FOXP2: variants seen among roughly 807,000 people sequenced by gnomAD.
FOXP2 encodes the protein forkhead box P2.
In FOXP2, 12 loss-of-function variants were observed where a neutral mutation model predicts 115.8. That is an observed-to-expected ratio of 0.10 (90% CI 0.07 to 0.17). FOXP2 has a LOEUF of 0.17. FOXP2 is among the 10% of genes least tolerant of loss of function. The pLI, the probability that FOXP2 is intolerant of heterozygous loss-of-function variation, is 1.00. For synonymous variants in FOXP2, 328 were observed against 297.7 expected, an observed-to-expected ratio of 1.10 and a Z score of -1.05; for missense variants, 629 against 843.5, an observed-to-expected ratio of 0.75 and a Z score of 3.15.
intron 1 of FOXP2, among the ~76,000 whole-genome samples, chr7:114,117,055 T>A (rs903483279): frequency 2.0e-5 from 3 of 152,122 alleles, no homozygotes; most frequent in Non-Finnish European, 4.4e-5. Context: ...TTCCTTAAGC[T>A]TGGCAGGTGA....
chr7:114,505,675 T>C (rs1797777563), intron 2 of FOXP2, among the ~76,000 whole-genome samples: 1 of 151,574 alleles, frequency 6.6e-6, no homozygotes, highest in African/African-American at 2.4e-5. Flanking sequence ...GGGGTCTTCA[T>C]TTCTACCATT....
intron 16 of FOXP2, among the ~76,000 whole-genome samples, chr7:114,677,172 C>CAAAAAAAAA (rs538753120): frequency 1.3e-4 from 7 of 52,698 alleles, no homozygotes; most frequent in Non-Finnish European, 2.3e-4. Flanking sequence ...TCTCAAAAAA[C>CAAAAAAAAA]AAAAAAAAAA....
intron 3 of FOXP2, among the ~76,000 whole-genome samples, chr7:114,588,208 G>A (rs942870094): frequency 1.3e-5 from 2 of 151,976 alleles, no homozygotes; most frequent in Admixed American, 6.6e-5. Flanking sequence ...TTGGGAAGCT[G>A]AGGCAGGAGA....
intron 2 of FOXP2, among the ~76,000 whole-genome samples, chr7:114,471,006 T>C (rs1796019763): frequency 6.6e-6 from 1 of 152,192 alleles, no homozygotes; most frequent in Admixed American, 6.6e-5. Flanking sequence ...AAGCTTTCCC[T>C]TGTTCTCTGT....
chr7:114,175,371 C>T (rs1009436828), intron 1 of FOXP2, among the ~76,000 whole-genome samples: 2 of 152,068 alleles, frequency 1.3e-5, no homozygotes, highest in African/African-American at 2.4e-5. Context: ...GTTGACAACT[C>T]GACTCATACC....
chr7:114,448,112 C>T (rs1794916348), intron 2 of FOXP2, among the ~76,000 whole-genome samples: 1 of 152,002 alleles, frequency 6.6e-6, no homozygotes, highest in Admixed American at 6.6e-5. Context: ...GGGGAAATGC[C>T]TTTAAAACCC....
chr7:114,584,374 A>T lies in FOXP2; in HGVS notation c.259-44166A>T, dbSNP rs188093601. On this transcript the variant is annotated intron_variant, in intron 3 of 16. Transcript: ENST00000350908. ...TTTTCAGCTCCATCCACTGCAAACA[A>T]GCACACAAAAAGGATTTGACAGTTA... Among the ~76,000 whole-genome samples the T allele has an allele frequency of 4.6e-5, 7 of 152,304 alleles. No homozygotes were observed. In the East Asian group the frequency reaches 1.4e-3, roughly 29 times the overall value.
intron 6 of FOXP2, among the ~76,000 whole-genome samples, chr7:114,636,163 G>A (rs1413142969): frequency 2.6e-5 from 4 of 152,112 alleles, no homozygotes; most frequent in Non-Finnish European, 5.9e-5. Context: ...TGAACACCCA[G>A]ATCTCTGAAG....
rs544005908 is a variant in FOXP2, at chr7:114,110,586, T to C, written c.-247+22748T>C. On this transcript the variant is annotated intron_variant, in intron 1 of 19. Transcript: ENST00000635638. ...TTTTGGCATCTTGTTGTCATGCTCA[T>C]TGGGGTACTTGTGGTGTGGAAACCA... 2.2e-4 allele frequency among the ~76,000 whole-genome samples: 34 copies of C among 152,280 alleles called. No homozygotes were observed. In the South Asian group the frequency reaches 3.9e-3, roughly 18 times the overall value.
chr7:114,275,968 G>A (rs544785450), intron 1 of FOXP2, among the ~76,000 whole-genome samples: 2 of 152,238 alleles, frequency 1.3e-5, no homozygotes, highest in Non-Finnish European at 1.5e-5. Context: ...GCTAGCTTGG[G>A]TTGGAGCTGG....
At chr7:114,321,324 G>A (rs1797417343) in intron 2 of FOXP2, among the ~76,000 whole-genome samples, 1 of 151,542 alleles carries the variant, frequency 6.6e-6, no homozygotes, top group African/African-American at 2.4e-5. Context: ...TCAGCCTCTC[G>A]AGTAGCTGGG....
intron 2 of FOXP2, among the ~76,000 whole-genome samples, chr7:114,399,943 G>GC (rs113341106): frequency 0.44 from 64,883 of 148,344 alleles, 15,510 homozygotes; most frequent in African/African-American, 0.61. Context: ...TGCAACCTCC[G>GC]CCCCCCGAGT....
intron 6 of FOXP2, among the ~76,000 whole-genome samples, chr7:114,640,238 T>C (rs1384838856): frequency 6.6e-6 from 1 of 152,208 alleles, no homozygotes; most frequent in Non-Finnish European, 1.5e-5. Context: ...AAAGCAATAA[T>C]TATAGATCTT....
chr7:114,680,256 T>C (rs1808014945), intron 16 of FOXP2, among the ~76,000 whole-genome samples: 1 of 152,216 alleles, frequency 6.6e-6, no homozygotes, highest in African/African-American at 2.4e-5. Context: ...AAGGAAAATG[T>C]TGTGTACTGA....
chr7:114,398,617 A>G (rs1392626908), intron 2 of FOXP2, among the ~76,000 whole-genome samples: 11 of 152,248 alleles, frequency 7.2e-5, no homozygotes, highest in Non-Finnish European at 1.2e-4. Flanking sequence ...TTGCTTTATT[A>G]GGAATATTTT....
chr7:114,664,137 T>G, intron 15 of FOXP2, 136 bp from the exon 16 acceptor site: 1 of 1,018,126 alleles, frequency 9.8e-7, no homozygotes, highest in South Asian at 1.5e-5. Flanking sequence ...TTAGGAATTT[T>G]TTTTCAATAC....
chr7:114,193,708 T>C (rs1793824812), intron 1 of FOXP2, among the ~76,000 whole-genome samples: 1 of 152,098 alleles, frequency 6.6e-6, no homozygotes, highest in Non-Finnish European at 1.5e-5. Flanking sequence ...ACTCTCTCAA[T>C]GGCACTACCA....
intron 2 of FOXP2, among the ~76,000 whole-genome samples, chr7:114,468,486 A>ATCTTACT (rs2129228756): frequency 6.6e-6 from 1 of 152,188 alleles, no homozygotes; most frequent in South Asian, 2.1e-4. Context: ...TTACTTACCC[A>ATCTTACT]TCTTACTGTT....
intron 3 of FOXP2, among the ~76,000 whole-genome samples, chr7:114,583,641 C>T (rs911607838): frequency 2.0e-5 from 3 of 152,148 alleles, no homozygotes; most frequent in Admixed American, 2.0e-4. Flanking sequence ...TAAATTATTC[C>T]TTTCAGGAAA....
Sources: gnomAD v4.1 joint callset for allele counts (sites outside exome capture counted in the v4.1 genomes callset) on GRCh38, gnomAD v4.1.1 for gene constraint, MANE v1.5 for transcripts, NCBI Gene and HGNC (gene_info 2026-07-23, HGNC 2026-07-21) for gene names.